WDR93: variants seen among roughly 807,000 people sequenced by gnomAD.
WDR93 encodes the protein WD repeat-containing protein 93.
WDR93 carries 73 observed loss-of-function variants against 82.9 expected under a neutral mutation model. The observed-to-expected ratio is 0.88, with a 90% confidence interval of 0.73 to 1.07. The LOEUF (loss-of-function observed/expected upper bound fraction) is 1.07. WDR93 is among the 50% of genes least tolerant of loss of function. The probability of loss-of-function intolerance (pLI) is 0.00; values close to 1 mark genes in which losing one functional copy is unlikely to be tolerated. For missense variants in WDR93, 738 were observed against 826.0 expected (o/e 0.89, Z 1.31); for synonymous variants, 283 against 300.1 (o/e 0.94, Z 0.59).
chr15:89,722,598 C>G (rs1167338284), intron 8 of WDR93, among the ~76,000 whole-genome samples: 1 of 152,174 alleles, frequency 6.6e-6, no homozygotes, highest in Non-Finnish European at 1.5e-5. Flanking sequence ...CAAGAAACCA[C>G]CATAGTAGGA....
chr15:89,730,869 G>C (rs1450029379), intron 11 of WDR93, among the ~76,000 whole-genome samples: 1 of 151,990 alleles, frequency 6.6e-6, no homozygotes, highest in Non-Finnish European at 1.5e-5. Context: ...CTGGGTGACA[G>C]TGAGGCCCTG....
At chr15:89,728,355 G>A (rs1455162871) in intron 9 of WDR93, among the ~76,000 whole-genome samples, 1 of 152,178 alleles carries the variant, frequency 6.6e-6, no homozygotes, top group Non-Finnish European at 1.5e-5. Context: ...TCTCAGGAAT[G>A]TTCTTGTTCT....
At chr15:89,742,555 T>C (rs1264563740) in intron 16 of WDR93, among the ~76,000 whole-genome samples, 1 of 151,960 alleles carries the variant, frequency 6.6e-6, no homozygotes, top group Non-Finnish European at 1.5e-5. Flanking sequence ...TCTTTTGAGA[T>C]GGAATTTTGC....
chr15:89,711,296 CG>C (rs1567108044), intron 4 of WDR93, among the ~76,000 whole-genome samples: 1 of 152,052 alleles, frequency 6.6e-6, no homozygotes, highest in African/African-American at 2.4e-5. Flanking sequence ...ACAAATGACA[CG>C]GTTTCTTCAA....
At chr15:89,697,197 A>T (rs986988301) in intron 1 of WDR93, among the ~76,000 whole-genome samples, 2 of 152,088 alleles carry the variant, frequency 1.3e-5, no homozygotes, top group African/African-American at 4.8e-5. Context: ...GGCCTCAAGC[A>T]ATCTTCCCAC....
In WDR93 at chr15:89,701,798, A is replaced by T; in HGVS notation, c.52A>T (p.Thr18Ser). Reference protein sequence around the residue: ...QTQKIKHPIGTRKGPLEVPPP... With the variant: ...QTQKIKHPIGSRKGPLEVPPP... ...CCAGAAAATAAAGCACCCCATTGGT[A>T]CACGAAAGGGACCATTGGAGGTGCC... The change falls in exon 2 of 17, where the codon ACA becomes TCA. Residue 18 changes from threonine (T) to serine (S), a missense_variant. Coordinates refer to ENST00000268130, the MANE Select transcript of WDR93 (RefSeq NM_020212.2). 1 of 1,614,126 alleles carries T rather than the reference A, an allele frequency of 6.2e-7. No homozygotes were observed. Among genetic ancestry groups the T allele is most frequent in the South Asian group, 1.1e-5 (1 of 91,080 alleles).
At chr15:89,732,792 A>C (rs1966879016) in intron 12 of WDR93, among the ~76,000 whole-genome samples, 1 of 151,614 alleles carries the variant, frequency 6.6e-6, no homozygotes, top group African/African-American at 2.4e-5. Context: ...CCCCCTCCCC[A>C]ATTCCTCTCC....
In WDR93 at chr15:89,743,332, C is replaced by A. The variant is rs368094128; in HGVS notation, c.2002C>A (p.His668Asn). ...LEKNPEKEEEHWARLQRYSLS... is the reference protein window; with the variant it reads ...LEKNPEKEEENWARLQRYSLS... ...GAAGAACCCAGAGAAGGAGGAGGAG[C>A]ACTGGGCCCGGCTTCAGAGGTACTC... is the stretch of plus-strand genomic sequence containing the variant. The change falls in exon 17 of 17, where the codon CAC (histidine) becomes AAC (asparagine). Residue 668 changes from histidine to asparagine, a missense_variant. His to Asn is a moderately conservative substitution (Grantham distance 68). Transcript: ENST00000268130. The A allele has an allele frequency of 3.7e-6, 6 of 1,614,056 alleles. No individual in the cohort carries two copies. In the African/African-American group the frequency reaches 6.7e-5, roughly 18 times the overall value.
chr15:89,709,880 G>A (rs541127717), intron 4 of WDR93, among the ~76,000 whole-genome samples: 298 of 152,148 alleles, frequency 2.0e-3, no homozygotes, highest in African/African-American at 7.0e-3. Flanking sequence ...AATAATCAAG[G>A]CCGGGTACAG....
At chr15:89,706,066 A>G (rs1048484305) in intron 4 of WDR93, among the ~76,000 whole-genome samples, 1 of 152,068 alleles carries the variant, frequency 6.6e-6, no homozygotes, top group Non-Finnish European at 1.5e-5. Context: ...ACTTTCCCTT[A>G]TATACCCAAG....
chr15:89,732,969 C>T, intron 12 of WDR93, 37 bp from the exon 13 acceptor site: 3 of 1,604,452 alleles, frequency 1.9e-6, no homozygotes, highest in Non-Finnish European at 2.6e-6. Context: ...CTCCCCTACC[C>T]CGTTTTCTGA....
chr15:89,743,313 C>G lies in WDR93; in HGVS notation c.1983C>G (p.Asn661Lys), dbSNP rs578176991. 1 of 1,614,092 alleles carries G rather than the reference C, an allele frequency of 6.2e-7. No individual in the cohort carries two copies. The highest frequency in any genetic ancestry group is 1.1e-5 in the South Asian group (1 of 91,094). The change falls in exon 17 of 17, where the codon AAC (asparagine) becomes AAG (lysine). Residue 661 changes from asparagine (N) to lysine (K), a missense_variant. Coordinates refer to ENST00000268130, the MANE Select transcript of WDR93 (RefSeq NM_020212.2). ...TCAGCTATCGGAAGCTGGAGAAGAACCCAGAGAAGGAGGAGGAGCACTGGG... is the reference window on the plus strand; with the variant it reads ...TCAGCTATCGGAAGCTGGAGAAGAAGCCAGAGAAGGAGGAGGAGCACTGGG... Reference protein sequence around the residue: ...LQKSYRKLEKNPEKEEEHWAR... With the variant: ...LQKSYRKLEKKPEKEEEHWAR...
chr15:89,737,021 G>A (rs1282556739), intron 14 of WDR93, among the ~76,000 whole-genome samples: 1 of 152,186 alleles, frequency 6.6e-6, no homozygotes, highest in Non-Finnish European at 1.5e-5. Flanking sequence ...TCGATCTCCT[G>A]ACCTCGTGAT....
intron 7 of WDR93, among the ~76,000 whole-genome samples, 184 bp downstream of exon 7, chr15:89,717,133 C>A (rs1966302279): frequency 7.5e-6 from 1 of 134,160 alleles, no homozygotes; most frequent in Non-Finnish European, 1.5e-5. Flanking sequence ...GATCTTGGCT[C>A]ATCGCAACTT....
At chr15:89,700,666 A>G (rs1965415344) in intron 1 of WDR93, among the ~76,000 whole-genome samples, 1 of 150,972 alleles carries the variant, frequency 6.6e-6, no homozygotes, top group African/African-American at 2.4e-5. Context: ...GGGCTCAAGA[A>G]ATTCTCCCAC....
At chr15:89,720,036 G>A (rs1425611785) in intron 7 of WDR93, among the ~76,000 whole-genome samples, 2 of 151,926 alleles carry the variant, frequency 1.3e-5, no homozygotes, top group Non-Finnish European at 2.9e-5. Flanking sequence ...CTGACCTCGT[G>A]ATCCCACCTG....
rs1246298594 is a variant in WDR93 at position 89,722,951 on chromosome 15, T to C, written c.880+812T>C. On this transcript the variant is annotated intron_variant, in intron 8 of 16. Coordinates refer to ENST00000268130, the MANE Select transcript of WDR93 (RefSeq NM_020212.2). ...CGTGTGCGGCGGCTCGTGCCTATAA[T>C]CCTAGCACTTTGGGAGGCCAAGGTG... Among the ~76,000 whole-genome samples the C allele has an allele frequency of 2.6e-5, 4 of 152,160 alleles. No homozygotes were observed. In the East Asian group the frequency reaches 5.8e-4, roughly 22 times the overall value.
Position 89,703,450 on chromosome 15 carries a change from A to C in WDR93, c.496+308A>C. The C allele has an allele frequency of 7.5e-6, 3 of 398,254 alleles. No homozygotes were observed. In the South Asian group the frequency reaches 8.9e-5, roughly 12 times the overall value. The allele number at this position is 398,254 out of a possible 1,614,324, so 24.7% of individuals were successfully genotyped here. A position where few individuals can be genotyped will look rare whatever the true frequency, so the allele number is the denominator to read the frequency against. ...GAGGTAACATGGAAAGTCAGGCTTC[A>C]AACCAGGCAGTATGGCCCTGGAGTC... On this transcript the variant is annotated intron_variant, in intron 3 of 16. Coordinates refer to ENST00000268130, the MANE Select transcript of WDR93 (RefSeq NM_020212.2).
chr15:89,722,062 A>G lies in WDR93; in HGVS notation c.803A>G (p.Asn268Ser). The G allele has an allele frequency of 6.2e-7, 1 of 1,601,984 alleles. No homozygotes were observed. The highest frequency in any genetic ancestry group is 1.1e-5 in the South Asian group (1 of 89,186). Residue 268 changes from asparagine (N) to serine (S), a missense_variant, in exon 8 of 17, where the codon AAT becomes AGT. Transcript: ENST00000268130. ...GCCTTTTCCTTGTTTTAGGATGCAA[A>G]TGTTAGTTTTAAAGGAGACATTAAA... ...ISADPLEMDA[N>S]VSFKGDIKLS...
Sources: gnomAD v4.1 joint callset for allele counts (sites outside exome capture counted in the v4.1 genomes callset) on GRCh38, gnomAD v4.1.1 for gene constraint, MANE v1.5 for transcripts, NCBI Gene and HGNC (gene_info 2026-07-23, HGNC 2026-07-21) for gene names.